Variants in ASAP1 observed in about 807,000 individuals in gnomAD.
ASAP1 encodes ArfGAP with SH3 domain, ankyrin repeat and PH domain 1, also known as arf-GAP with SH3 domain, ANK repeat and PH domain-containing protein 1.
Under a neutral mutation model 145.2 loss-of-function variants are expected in ASAP1, and 43 were observed. That is an observed-to-expected ratio of 0.30 (90% CI 0.23 to 0.38). ASAP1 has a LOEUF of 0.38. ASAP1 is among the 10% of genes least tolerant of loss of function. The probability of loss-of-function intolerance (pLI) is 1.00; values close to 1 mark genes in which losing one functional copy is unlikely to be tolerated. For missense variants in ASAP1, 1,018 were observed against 1,355.3 expected (o/e 0.75, Z 3.91); for synonymous variants, 546 against 515.5 (o/e 1.06, Z -0.80).
Position 130,422,703 on chromosome 8 carries a change from C to G in ASAP1, c.-27-20733G>C, listed in dbSNP as rs187860428. ...ACAATCATCTTGACAAATCTTGGTT[C>G]ATTTCCCATAAAGGGGACAGGAGCC... On this transcript the variant is annotated intron_variant, in intron 1 of 29. Coordinates refer to ENST00000518721, the MANE Select transcript of ASAP1 (RefSeq NM_018482.4). Among the ~76,000 whole-genome samples the G allele has an allele frequency of 1.6e-3, 245 of 152,332 alleles. 2 individuals are homozygous for G. The highest frequency in any genetic ancestry group is 9.4e-4 in the Non-Finnish European group (64 of 68,038).
intron 2 of ASAP1, among the ~76,000 whole-genome samples, chr8:130,401,597 G>T (rs537423425): frequency 6.6e-6 from 1 of 152,238 alleles, no homozygotes; most frequent in Admixed American, 6.5e-5. Flanking sequence ...GCACCTTATA[G>T]TGTTGCTGGT....
At chr8:130,123,393 A>G (rs1344851552) in intron 18 of ASAP1, among the ~76,000 whole-genome samples, 5 of 152,160 alleles carry the variant, frequency 3.3e-5, no homozygotes, top group African/African-American at 1.2e-4. Context: ...TTGTCTTTGA[A>G]TGTCTCTTAC....
chr8:130,197,552 C>A (rs1815582736), intron 5 of ASAP1, among the ~76,000 whole-genome samples: 2 of 152,244 alleles, frequency 1.3e-5, no homozygotes, highest in Admixed American at 1.3e-4. Context: ...CTCCTGGTAA[C>A]CCTACAAGGT....
intron 1 of ASAP1, among the ~76,000 whole-genome samples, chr8:130,429,503 A>C (rs926130109): frequency 2.0e-5 from 3 of 152,244 alleles, no homozygotes; most frequent in African/African-American, 7.2e-5. Context: ...ACAGTCAGCA[A>C]GTAGCCAGTA....
At chr8:130,190,821 A>T (rs1815086257) in intron 5 of ASAP1, among the ~76,000 whole-genome samples, 1 of 151,982 alleles carries the variant, frequency 6.6e-6, no homozygotes, top group Non-Finnish European at 1.5e-5. Flanking sequence ...TGGCCTATGC[A>T]TCTGTTTTTA....
intron 3 of ASAP1, among the ~76,000 whole-genome samples, chr8:130,348,936 G>GA (rs753221112): frequency 3.9e-4 from 59 of 152,230 alleles, no homozygotes; most frequent in Non-Finnish European, 7.3e-4. Context: ...GCCCCAGCAA[G>GA]AATCAGAAGG....
chr8:130,347,554 G>A (rs1825768940), intron 3 of ASAP1, among the ~76,000 whole-genome samples: 1 of 152,026 alleles, frequency 6.6e-6, no homozygotes, highest in South Asian at 2.1e-4. Context: ...GTGTGATCTG[G>A]GTATAAACGG....
At chr8:130,433,456 T>C (rs1175256312) in intron 1 of ASAP1, among the ~76,000 whole-genome samples, 1 of 152,210 alleles carries the variant, frequency 6.6e-6, no homozygotes, top group Non-Finnish European at 1.5e-5. Context: ...GGGAGGACTC[T>C]CTCCCTTCCC....
At chr8:130,402,106 T>C in intron 1 of ASAP1, 136 bp from the exon 2 acceptor site, 1 of 574,410 alleles carries the variant, frequency 1.7e-6, no homozygotes, top group Non-Finnish European at 3.0e-6. Context: ...ACAGAGTGGC[T>C]GTCCAGAAAT....
intron 3 of ASAP1, among the ~76,000 whole-genome samples, chr8:130,302,861 T>C (rs563938558): frequency 6.6e-6 from 1 of 152,278 alleles, no homozygotes; most frequent in South Asian, 2.1e-4. Flanking sequence ...CAGAAGACAA[T>C]CAGATGGAAA....
rs763729189 is a variant in ASAP1 at position 130,092,159 on chromosome 8, A to C, written c.2402-16T>G. 2 of 1,564,442 alleles carry C rather than the reference A, an allele frequency of 1.3e-6. No individual in the cohort carries two copies. The highest frequency in any genetic ancestry group is 2.4e-5 in the South Asian group (2 of 84,168). On this transcript the variant is annotated splice_polypyrimidine_tract_variant and intron_variant, in intron 24 of 29. Transcript: ENST00000518721. ...CCAGTTGGACCTAGAAAGGAAATTGAATGGGGGCAGGAAGATTAATCCCAG... is the reference window on the plus strand; with the variant it reads ...CCAGTTGGACCTAGAAAGGAAATTGCATGGGGGCAGGAAGATTAATCCCAG...
At chr8:130,174,399 T>G (rs1461132754) in intron 9 of ASAP1, among the ~76,000 whole-genome samples, 1 of 152,254 alleles carries the variant, frequency 6.6e-6, no homozygotes, top group Non-Finnish European at 1.5e-5. Context: ...CATTTATCTC[T>G]TAGCCACTTT....
chr8:130,257,703 T>C (rs1260993603), intron 3 of ASAP1, among the ~76,000 whole-genome samples: 1 of 152,040 alleles, frequency 6.6e-6, no homozygotes, highest in Non-Finnish European at 1.5e-5. Flanking sequence ...AAAGCATTAA[T>C]ATACTAAAAT....
chr8:130,111,671 T>TA (rs2135582373), intron 24 of ASAP1, among the ~76,000 whole-genome samples: 1 of 152,300 alleles, frequency 6.6e-6, no homozygotes, highest in East Asian at 1.9e-4. Flanking sequence ...TAGAGAAAAG[T>TA]AACTTTCCAG....
intron 5 of ASAP1, among the ~76,000 whole-genome samples, chr8:130,193,419 C>T (rs766576513): frequency 1.6e-4 from 25 of 151,850 alleles, no homozygotes; most frequent in Non-Finnish European, 2.9e-4. Context: ...AAAAAACTCT[C>T]TGCTTTAATT....
At chr8:130,088,776 A>G (rs2097499384) in intron 25 of ASAP1, among the ~76,000 whole-genome samples, 1 of 152,246 alleles carries the variant, frequency 6.6e-6, no homozygotes, top group Non-Finnish European at 1.5e-5. Flanking sequence ...TAATGGTAAC[A>G]GTAGCTATCA....
At position 130,213,506 on chromosome 8, in the gene ASAP1, G is replaced by A. The variant is rs148156020; in HGVS notation, c.405+1050C>T. Among the ~76,000 whole-genome samples, 106 of 152,268 alleles carry A rather than the reference G, an allele frequency of 7.0e-4. No individual in the cohort carries two copies. In the Middle Eastern group the frequency reaches 0.01, roughly 15 times the overall value. On this transcript the variant is annotated intron_variant, in intron 5 of 29. Coordinates refer to ENST00000518721, the MANE Select transcript of ASAP1 (RefSeq NM_018482.4). ...TGACAAATTATCACCTAAGGCCACA[G>A]AAGCCTATGTGATACATGAATAACT... is the stretch of plus-strand genomic sequence containing the variant.
intron 29 of ASAP1, among the ~76,000 whole-genome samples, chr8:130,056,042 C>T (rs1038016116): frequency 3.9e-5 from 6 of 152,228 alleles, no homozygotes; most frequent in African/African-American, 1.2e-4. Context: ...TCCCATTCCC[C>T]GCAGGTATCT....
At chr8:130,238,318 G>A (rs1818334944) in intron 3 of ASAP1, among the ~76,000 whole-genome samples, 3 of 152,084 alleles carry the variant, frequency 2.0e-5, no homozygotes, top group South Asian at 4.2e-4. Flanking sequence ...TTGATGTGAG[G>A]AAAAATCTGG....
Sources: gnomAD v4.1 joint callset for allele counts (sites outside exome capture counted in the v4.1 genomes callset) on GRCh38, gnomAD v4.1.1 for gene constraint, MANE v1.5 for transcripts, NCBI Gene and HGNC (gene_info 2026-07-23, HGNC 2026-07-21) for gene names.